DCLK1: variants seen among roughly 807,000 people sequenced by gnomAD.
The protein encoded by DCLK1 is serine/threonine-protein kinase DCLK1.
In DCLK1, 16 loss-of-function variants were observed where a neutral mutation model predicts 86.2. The observed-to-expected ratio is 0.19, with a 90% CI of 0.13 to 0.28. The LOEUF is 0.28. DCLK1 is among the 10% of genes least tolerant of loss of function. The pLI is 1.00. For missense variants in DCLK1, 590 were observed against 940.2 expected (o/e 0.63, Z 4.87); for synonymous variants, 369 against 370.5 (o/e 1.00, Z 0.05).
chr13:35,988,315 C>A (rs1163286442), intron 3 of DCLK1, among the ~76,000 whole-genome samples: 2 of 152,230 alleles, frequency 1.3e-5, no homozygotes, highest in Non-Finnish European at 2.9e-5. Context: ...CGGCCTGATG[C>A]ATGTGCGAGG....
chr13:36,061,413 T>C (rs556626918), intron 3 of DCLK1, among the ~76,000 whole-genome samples: 52 of 152,268 alleles, frequency 3.4e-4, no homozygotes, highest in Admixed American at 2.6e-3. Flanking sequence ...GAAGATTAGA[T>C]AGGTAGCTGC....
Position 35,827,650 on chromosome 13 carries a change from G to A in DCLK1, c.1392C>T (p.Val464=). 2 of 1,613,954 alleles carry A rather than the reference G, an allele frequency of 1.2e-6. No homozygotes were observed. The highest frequency in any genetic ancestry group is 1.7e-6 in the Non-Finnish European group (2 of 1,179,974). The change falls in exon 10 of 17, where the codon GTC becomes GTT. Residue 464 remains valine (V), a synonymous_variant. Coordinates refer to ENST00000360631, the MANE Select transcript of DCLK1 (RefSeq NM_001330071.2). ...AAATACACACCTTTACTAATTCCAT[G>A]ACAAGATACAGTTCAGTTGGCACAT... ...EMDVPTELYL[V]MELVKGGDLF... is the part of the protein sequence containing the mutation.
At chr13:35,906,519 G>T (rs1874700167) in intron 4 of DCLK1, among the ~76,000 whole-genome samples, 1 of 152,132 alleles carries the variant, frequency 6.6e-6, no homozygotes, top group African/African-American at 2.4e-5. Context: ...TTGATGGATG[G>T]TAAAGAGCAA....
At chr13:36,124,245 C>T (rs537475411) in intron 2 of DCLK1, among the ~76,000 whole-genome samples, 156 of 152,304 alleles carry the variant, frequency 1.0e-3, no homozygotes, top group African/African-American at 3.3e-3. Context: ...CCTTGGATTT[C>T]CAAAGGTCAT....
intron 2 of DCLK1, among the ~76,000 whole-genome samples, chr13:36,115,969 A>G (rs1885772571): frequency 6.6e-6 from 1 of 151,172 alleles, no homozygotes; most frequent in African/African-American, 2.4e-5. Context: ...TATGTTTTTG[A>G]GACAGAGTCT....
Position 36,098,946 on chromosome 13 carries a change from A to G in DCLK1, c.723+12923T>C, listed in dbSNP as rs370427541. Among the ~76,000 whole-genome samples the G allele has an allele frequency of 1.2e-4, 18 of 152,012 alleles. No homozygotes were observed. The East Asian group carries it at 2.3e-3, about 20-fold the overall frequency. ...CTGTTTATTAGCATGCTGGTACACA[A>G]AAGTAGGCTTTTAATATTATTTGGA... On this transcript the variant is annotated intron_variant, in intron 3 of 16. Coordinates refer to ENST00000360631, the MANE Select transcript of DCLK1 (RefSeq NM_001330071.2).
chr13:35,913,546 T>A (rs559328385), intron 4 of DCLK1, among the ~76,000 whole-genome samples: 1 of 152,346 alleles, frequency 6.6e-6, no homozygotes, highest in East Asian at 1.9e-4. Context: ...AAATTATTTT[T>A]AATGGAAATA....
intron 4 of DCLK1, among the ~76,000 whole-genome samples, chr13:35,934,581 T>C (rs1355693303): frequency 1.3e-5 from 2 of 152,098 alleles, no homozygotes; most frequent in Non-Finnish European, 2.9e-5. Context: ...TTCATTGCCA[T>C]GAGAGCAGTA....
At chr13:35,876,438 G>A (rs1049857425) in intron 4 of DCLK1, among the ~76,000 whole-genome samples, 7 of 152,138 alleles carry the variant, frequency 4.6e-5, no homozygotes, top group Admixed American at 6.5e-5. Context: ...GTGCCAAGCC[G>A]TAAATTATAA....
At chr13:35,920,250 C>T (rs948786323) in intron 4 of DCLK1, among the ~76,000 whole-genome samples, 1 of 152,190 alleles carries the variant, frequency 6.6e-6, no homozygotes, top group Admixed American at 6.5e-5. Context: ...CCTTCCACTC[C>T]ACAGACCTGC....
chr13:35,855,774 C>T, intron 5 of DCLK1: 3 of 1,280,226 alleles, frequency 2.3e-6, no homozygotes, highest in East Asian at 2.7e-5. Flanking sequence ...TCAATTAAGC[C>T]TCTTGCCAAC....
At position 36,060,569 on chromosome 13, in the gene DCLK1, G is replaced by A. The variant is rs371030605; in HGVS notation, c.723+51300C>T. Among the ~76,000 whole-genome samples the A allele has an allele frequency of 5.5e-4, 84 of 152,194 alleles. No homozygotes were observed. The South Asian group carries it at 0.017, about 31-fold the overall frequency. On this transcript the variant is annotated intron_variant, in intron 3 of 16. Coordinates refer to ENST00000360631, the MANE Select transcript of DCLK1 (RefSeq NM_001330071.2). ...TTTACATGCTGTTGTGTGTCCTAGC[G>A]TGTGTGTTGACTGGCAGAGATTTTT...
rs115704561 is a variant in DCLK1 at position 35,912,103 on chromosome 13, G to A, written c.823+35255C>T. Among the ~76,000 whole-genome samples, 1,017 of 152,152 alleles carry A rather than the reference G, an allele frequency of 6.7e-3. 14 individuals carry two copies. The highest frequency in any genetic ancestry group is 0.023 in the African/African-American group (963 of 41,494). On this transcript the variant is annotated intron_variant, in intron 4 of 16. Transcript: ENST00000360631. ...CAGTAAAGCTCAATCAATCAATCAC[G>A]GCCCTCCCTTTCTGAATCCTTCCTT...
rs563976182 is a variant in DCLK1 at position 35,946,200 on chromosome 13, C to T, written c.823+1158G>A. 1.1e-4 allele frequency among the ~76,000 whole-genome samples: 16 copies of T among 152,232 alleles called. No individual in the cohort carries two copies. The South Asian group carries it at 1.2e-3, about 12-fold the overall frequency. Reference sequence around the variant, plus strand: ...GCTAATTTTTGTAGAAACAGGGTTTCGCCATGTTGCCCAGGCTAGTCTCAA... The same window carrying T: ...GCTAATTTTTGTAGAAACAGGGTTTTGCCATGTTGCCCAGGCTAGTCTCAA... On this transcript the variant is annotated intron_variant, in intron 4 of 16. Coordinates refer to ENST00000360631, the MANE Select transcript of DCLK1 (RefSeq NM_001330071.2).
intron 1 of DCLK1, among the ~76,000 whole-genome samples, chr13:36,126,627 C>T (rs1393282913): frequency 6.6e-6 from 1 of 152,056 alleles, no homozygotes; most frequent in Non-Finnish European, 1.5e-5. Flanking sequence ...ACTGATGACA[C>T]ATTTAATATG....
At chr13:35,783,846 A>G (rs899644313) in intron 16 of DCLK1, among the ~76,000 whole-genome samples, 2 of 152,268 alleles carry the variant, frequency 1.3e-5, no homozygotes, top group Non-Finnish European at 2.9e-5. Context: ...TCGGCCTCCC[A>G]AAGTGTTGGG....
intron 6 of DCLK1, chr13:35,849,936 T>A (rs879673116): frequency 1.9e-5 from 18 of 958,508 alleles, no homozygotes; most frequent in Non-Finnish European, 2.2e-5. Flanking sequence ...TAAGAAAAAA[T>A]TATACAATCT....
At chr13:35,827,571 G>A in intron 10 of DCLK1, 64 bp downstream of exon 10, 2 of 1,584,406 alleles carry the variant, frequency 1.3e-6, no homozygotes, top group South Asian at 1.1e-5. Flanking sequence ...AAGGGAAAGA[G>A]CTCTAGAATA....
intron 4 of DCLK1, among the ~76,000 whole-genome samples, chr13:35,906,777 G>A (rs968418594): frequency 1.3e-5 from 2 of 152,196 alleles, no homozygotes; most frequent in Non-Finnish European, 2.9e-5. Flanking sequence ...AGGACACCTT[G>A]GTTTGGCAGT....
Sources: gnomAD v4.1 joint callset for allele counts (sites outside exome capture counted in the v4.1 genomes callset) on GRCh38, gnomAD v4.1.1 for gene constraint, MANE v1.5 for transcripts, NCBI Gene and HGNC (gene_info 2026-07-23, HGNC 2026-07-21) for gene names.